Variants in ADAMTS13 observed in about 807,000 individuals in gnomAD.
ADAMTS13 encodes ADAM metallopeptidase with thrombospondin type 1 motif 13, also known as A disintegrin and metalloproteinase with thrombospondin motifs 13.
ADAMTS13 carries 110 observed loss-of-function variants against 155.1 expected under a neutral mutation model. The ratio of observed to expected loss-of-function variants is 0.71; its 90% CI spans 0.61 to 0.83. The LOEUF (loss-of-function observed/expected upper bound fraction) is 0.83. ADAMTS13 is among the 40% of genes least tolerant of loss of function. ADAMTS13 has a pLI of 0.00. For missense variants in ADAMTS13, 1,707 were observed against 1,891.7 expected (o/e 0.90, Z 1.81); for synonymous variants, 758 against 756.4 (o/e 1.00, Z -0.03).
At chr9:133,414,432 G>A (rs1839430101) in exon 1 of ADAMTS13, 4 of 690,894 alleles carry the variant, frequency 5.8e-6, no homozygotes, top group African/African-American at 1.7e-5. Flanking sequence ...CCACACACGT[G>A]TACTGGCACC....
chr9:133,430,288 C>A, intron 8 of ADAMTS13, 187 bp downstream of exon 8: 1 of 851,512 alleles, frequency 1.2e-6, no homozygotes, highest in Non-Finnish European at 1.9e-6. Flanking sequence ...TGAACAAAAG[C>A]TCCAACATTT....
chr9:133,456,669 G>T lies in ADAMTS13; in HGVS notation c.3674G>T (p.Gly1225Val). ...VRQRCGRPGG[G>V]VLLRYGSQLA... ...CAGCGCTGCGGGCGGCCAGGAGGTG[G>T]GGTGCTGCTGCGGTATGGGAGCCAG... The change falls in exon 27 of 29, where the codon GGG becomes GTG. Residue 1225 changes from glycine (G) to valine (V), a missense_variant. By Grantham distance (109) the Gly-to-Val change is moderately radical. Transcript: ENST00000355699. This position sits in a 1 kb window ranked among gnomAD's most constrained non-coding sequence, Gnocchi z 4.4. 1 of 1,595,750 alleles carries T rather than the reference G, an allele frequency of 6.3e-7. No individual in the cohort carries two copies.
chr9:133,450,750 AAAAACAAAACAAC>A (rs1842388703), intron 23 of ADAMTS13, among the ~76,000 whole-genome samples: 2 of 152,210 alleles, frequency 1.3e-5, no homozygotes, highest in African/African-American at 4.8e-5. Flanking sequence ...ACTCCGTCTC[AAAAACAAAACAAC>A]AAAACAAAAC....
intron 14 of ADAMTS13, 125 bp from the exon 15 acceptor site, chr9:133,439,241 C>T: frequency 1.3e-6 from 1 of 777,768 alleles, no homozygotes; most frequent in East Asian, 2.5e-5. Context: ...ACAGGGGACT[C>T]ACTGCTGCTG....
chr9:133,417,537 T>G, upstream of ADAMTS13: 2 of 1,435,072 alleles, frequency 1.4e-6, no homozygotes, highest in East Asian at 2.3e-5. Flanking sequence ...ACAGGTCTTT[T>G]GGGGCTACCC....
At position 133,428,626 on chromosome 9, in the gene ADAMTS13, C is replaced by G. The variant is rs898957135; in HGVS notation, c.687-8C>G. On this transcript the variant is annotated splice_polypyrimidine_tract_variant and splice_region_variant and intron_variant, in intron 6 of 28. Coordinates refer to ENST00000355699, the MANE Select transcript of ADAMTS13 (RefSeq NM_139027.6). Reference sequence around the variant, plus strand: ...CCGCCTTAGCGCAACTCCCCGCCCCCCGACCAGCTTCGGCCTGGAGCACGA... The same window carrying G: ...CCGCCTTAGCGCAACTCCCCGCCCCGCGACCAGCTTCGGCCTGGAGCACGA... 1.4e-5 allele frequency: 18 copies of G among 1,315,062 alleles called. No individual in the cohort carries two copies. The highest frequency in any genetic ancestry group is 3.1e-5 in the Admixed American group (1 of 32,138). 81.5% of individuals were successfully genotyped at this position (1,315,062 alleles called of 1,614,324 possible). A position where few individuals can be genotyped will look rare whatever the true frequency, so the allele number is the denominator to read the frequency against.
chr9:133,443,331 G>T, intron 18 of ADAMTS13, 45 bp from the exon 19 acceptor site: 2 of 1,563,264 alleles, frequency 1.3e-6, no homozygotes, highest in Non-Finnish European at 1.7e-6. Flanking sequence ...CCCCAGGCCA[G>T]CCTGGGACCT....
rs1320707348 is a variant in ADAMTS13 at position 133,425,447 on chromosome 9, C to T, written c.331-82C>T. 1.4e-5 allele frequency: 18 copies of T among 1,310,670 alleles called. No homozygotes were observed. The highest frequency in any genetic ancestry group is 1.2e-4 in the Admixed American group (6 of 50,482). The allele number at this position is 1,310,670 out of a possible 1,614,324, so 81.2% of individuals were successfully genotyped here. A position where few individuals can be genotyped will look rare whatever the true frequency, so the allele number is the denominator to read the frequency against. ...GTAGCCTCTCCAGCTCTTCACACTCCGGGGGCCCCTGGGAGTCAGCAGCTG... is the reference window on the plus strand; with the variant it reads ...GTAGCCTCTCCAGCTCTTCACACTCTGGGGGCCCCTGGGAGTCAGCAGCTG... On this transcript the variant is annotated intron_variant, in intron 3 of 28. Coordinates refer to ENST00000355699, the MANE Select transcript of ADAMTS13 (RefSeq NM_139027.6). This position sits in a 1 kb window ranked among gnomAD's most constrained non-coding sequence, Gnocchi z 4.6.
chr9:133,427,298 C>G (rs915833886), intron 6 of ADAMTS13, among the ~76,000 whole-genome samples: 2 of 152,216 alleles, frequency 1.3e-5, no homozygotes, highest in African/African-American at 2.4e-5. Flanking sequence ...AACCTTCACT[C>G]TTACCTATAA....
chr9:133,423,316 T>C (rs1840075189), intron 2 of ADAMTS13, 149 bp downstream of exon 2: 1 of 753,676 alleles, frequency 1.3e-6, no homozygotes, highest in East Asian at 2.5e-5. Flanking sequence ...TTAACTCTGT[T>C]ACTTCCTGCC....
chr9:133,447,121 C>T (rs1372849427), intron 21 of ADAMTS13, among the ~76,000 whole-genome samples: 1 of 152,154 alleles, frequency 6.6e-6, no homozygotes, highest in African/African-American at 2.4e-5. Context: ...TCCCAACGTG[C>T]TGGGATTACA....
intron 23 of ADAMTS13, 109 bp downstream of exon 23, chr9:133,450,074 A>T: frequency 7.3e-7 from 1 of 1,371,138 alleles, no homozygotes; most frequent in Non-Finnish European, 9.9e-7. Context: ...GAATCAGGAG[A>T]ACCACTTGAG....
At chr9:133,454,722 C>T (rs1842639193) in intron 24 of ADAMTS13, 103 bp downstream of exon 24, 1 of 1,393,554 alleles carries the variant, frequency 7.2e-7, no homozygotes, top group Non-Finnish European at 9.8e-7. Flanking sequence ...CATCGTGTCC[C>T]CTGAAAGGAA....
At chr9:133,429,794 G>T in intron 7 of ADAMTS13, 145 bp from the exon 8 acceptor site, 1 of 1,121,862 alleles carries the variant, frequency 8.9e-7, no homozygotes, top group Non-Finnish European at 1.3e-6. Flanking sequence ...GGCTCCTGGT[G>T]GGGGGCGCGG....
chr9:133,458,488 G>A (rs1323228311), intron 28 of ADAMTS13, among the ~76,000 whole-genome samples: 1 of 133,390 alleles, frequency 7.5e-6, no homozygotes, highest in East Asian at 2.7e-4. Flanking sequence ...CCCGGGAGGT[G>A]GAGGTTGCAC....
chr9:133,440,665 T>C lies in ADAMTS13; in HGVS notation c.1968+140T>C. 9.3e-7 allele frequency: 1 copy of C among 1,079,440 alleles called. No homozygotes were observed. The highest frequency in any genetic ancestry group is 2.7e-5 in the Admixed American group (1 of 36,910). 66.9% of individuals were successfully genotyped at this position (1,079,440 alleles called of 1,614,324 possible). A position where few individuals can be genotyped will look rare whatever the true frequency, so the allele number is the denominator to read the frequency against. The stretch of plus-strand genomic sequence containing the variant: ...CACTTACAGGGGACCCACTATGTGT[T>C]GGGCCCTGTGCTAGGCAAAATGTAG... On this transcript the variant is annotated intron_variant, in intron 16 of 28. Coordinates refer to ENST00000355699, the MANE Select transcript of ADAMTS13 (RefSeq NM_139027.6). This position sits in a 1 kb window ranked among gnomAD's most constrained non-coding sequence, Gnocchi z 4.3.
chr9:133,425,705 C>A lies in ADAMTS13; in HGVS notation c.414+93C>A. The A allele has an allele frequency of 6.8e-7, 1 of 1,464,760 alleles. No homozygotes were observed. The highest frequency in any genetic ancestry group is 9.4e-7 in the Non-Finnish European group (1 of 1,068,470). 90.7% of individuals were successfully genotyped at this position (1,464,760 alleles called of 1,614,324 possible). ...TCTTTAACCTCTTGTCCCGGATGCC[C>A]CAAGCAGCATGGATCACAGAATGCA... On this transcript the variant is annotated intron_variant, in intron 4 of 28. Transcript: ENST00000355699. The surrounding 1 kb of genome is among the most constrained non-coding windows in gnomAD (Gnocchi z 4.6).
In ADAMTS13 at chr9:133,441,338, C is replaced by T. The variant is rs1298693711; in HGVS notation, c.1968+813C>T. On this transcript the variant is annotated intron_variant, in intron 16 of 28. Coordinates refer to ENST00000355699, the MANE Select transcript of ADAMTS13 (RefSeq NM_139027.6). This position sits in a 1 kb window ranked among gnomAD's most constrained non-coding sequence, Gnocchi z 5.0. Reference sequence around the variant, plus strand: ...TGAGCGGCTTATCCCTTCTCTTCCCCTGATATGGTTCCCTTCCTCCCCTCC... The same window carrying T: ...TGAGCGGCTTATCCCTTCTCTTCCCTTGATATGGTTCCCTTCCTCCCCTCC... 6.6e-6 allele frequency among the ~76,000 whole-genome samples: 1 copy of T among 152,214 alleles called. No homozygotes were observed. Among genetic ancestry groups the T allele is most frequent in the African/African-American group, 2.4e-5 (1 of 41,444 alleles).
chr9:133,417,842 C>T, upstream of ADAMTS13: 1 of 1,599,032 alleles, frequency 6.3e-7, no homozygotes, highest in African/African-American at 1.3e-5. Context: ...TCGCCTTCCC[C>T]ATCCTGCTGC....
Sources: gnomAD v4.1 joint callset for allele counts (sites outside exome capture counted in the v4.1 genomes callset) on GRCh38, gnomAD v4.1.1 for gene constraint, Gnocchi (gnomAD v3.1) non-coding constraint, MANE v1.5 for transcripts, NCBI Gene and HGNC (gene_info 2026-07-23, HGNC 2026-07-21) for gene names.